The following SP100 variants were observed in gnomAD, a reference collection of about 807,000 sequenced individuals.
SP100 encodes the protein nuclear autoantigen Sp-100.
A neutral mutation model predicts 130.0 loss-of-function variants in SP100; 84 were observed. The observed-to-expected ratio is 0.65, with a 90% CI of 0.54 to 0.77. The LOEUF is 0.77. Among genes scored for constraint, SP100 ranks in the 30% least tolerant of loss-of-function variants. The pLI is 0.00. For missense variants in SP100, 978 were observed against 1,052.2 expected, an observed-to-expected ratio of 0.93 and a Z score of 0.97; for synonymous variants, 331 against 351.7, an observed-to-expected ratio of 0.94 and a Z score of 0.66.
At chr2:230,452,415 G>A (rs1018816015) in intron 8 of SP100, among the ~76,000 whole-genome samples, 1 of 152,092 alleles carries the variant, frequency 6.6e-6, no homozygotes, top group Non-Finnish European at 1.5e-5. Context: ...GACCTCAGGC[G>A]ATCCACCCAC....
intron 18 of SP100, among the ~76,000 whole-genome samples, chr2:230,497,762 C>A (rs1418052542): frequency 6.6e-6 from 1 of 152,168 alleles, no homozygotes; most frequent in East Asian, 1.9e-4. Context: ...AACCCTAAGG[C>A]TTTCTGGGAC....
chr2:230,511,091 A>C, intron 23 of SP100, 34 bp from the exon 24 acceptor site: 1 of 1,464,136 alleles, frequency 6.8e-7, no homozygotes, highest in Non-Finnish European at 9.6e-7. Context: ...AATCACACTC[A>C]ATATTGTACC....
intron 5 of SP100, among the ~76,000 whole-genome samples, chr2:230,448,110 G>A (rs1280935814): frequency 1.3e-5 from 2 of 152,150 alleles, no homozygotes; most frequent in Admixed American, 6.5e-5. Context: ...CTTATATCAC[G>A]GGAGAAACTT....
intron 2 of SP100, among the ~76,000 whole-genome samples, chr2:230,432,586 G>T (rs2063131938): frequency 6.6e-6 from 1 of 152,072 alleles, no homozygotes; most frequent in Non-Finnish European, 1.5e-5. Flanking sequence ...GGTTTGATTT[G>T]CTTTTCTCTA....
At chr2:230,501,673 G>A (rs1408335464) in intron 19 of SP100, among the ~76,000 whole-genome samples, 1 of 138,476 alleles carries the variant, frequency 7.2e-6, no homozygotes, top group Non-Finnish European at 1.6e-5. Flanking sequence ...TTTCTCCTGG[G>A]GCTTGCAGGA....
At chr2:230,473,019 AAACTT>A (rs2065353000) in intron 15 of SP100, 1 of 221,832 alleles carries the variant, frequency 4.5e-6, no homozygotes, top group Admixed American at 5.3e-5. Flanking sequence ...CAAGACCTTC[AAACTT>A]AACACCTCCA....
At chr2:230,422,224 G>GA (rs2062787249) in intron 2 of SP100, among the ~76,000 whole-genome samples, 1 of 152,140 alleles carries the variant, frequency 6.6e-6, no homozygotes, top group African/African-American at 2.4e-5. Flanking sequence ...TAATGAGGAT[G>GA]AAAATTTTTT....
rs371349702 is a variant in SP100, at chr2:230,515,475, G to A, written c.2094+4309G>A. Reference sequence around the variant, plus strand: ...TTTATGAAAAGAAGGCTGCAAAGCTGAAGGAAAAATACAAAAAGGATATTG... The same window carrying A: ...TTTATGAAAAGAAGGCTGCAAAGCTAAAGGAAAAATACAAAAAGGATATTG... On this transcript the variant is annotated intron_variant, in intron 24 of 28. Transcript: ENST00000340126. The A allele has an allele frequency of 8.1e-6, 13 of 1,613,518 alleles. No individual in the cohort carries two copies. The African/African-American group carries it at 1.6e-4, about 20-fold the overall frequency.
In SP100 at chr2:230,416,317, C is replaced by T; in HGVS notation, c.21C>T (p.Asp7=). The change falls in exon 1 of 29, where the codon GAC becomes GAT. Residue 7 remains aspartate (D), a synonymous_variant. Coordinates refer to ENST00000340126, the MANE Select transcript of SP100 (RefSeq NM_001080391.2). ...GGAAGATGGCAGGTGGGGGCGGCGA[C>T]CTGAGCACCAGGTGAGTCTTTATCT... MAGGGG[D]LSTRRLNECI... The T allele has an allele frequency of 2.5e-6, 4 of 1,613,608 alleles. No individual in the cohort carries two copies. Among genetic ancestry groups the T allele is most frequent in the African/African-American group, 1.3e-5 (1 of 75,008 alleles).
At chr2:230,497,544 G>GGGA (rs2066755247) in intron 18 of SP100, among the ~76,000 whole-genome samples, 2 of 19,274 alleles carry the variant, frequency 1.0e-4, no homozygotes, top group Non-Finnish European at 2.1e-4. Flanking sequence ...GAGGAGAGGA[G>GGGA]AGGAAAGGAA....
intron 2 of SP100, among the ~76,000 whole-genome samples, chr2:230,441,724 G>C (rs956788967): frequency 6.6e-6 from 1 of 152,170 alleles, no homozygotes; most frequent in African/African-American, 2.4e-5. Flanking sequence ...GAGACTGCCT[G>C]GTTGCATATG....
intron 17 of SP100, among the ~76,000 whole-genome samples, chr2:230,488,004 AG>A (rs888966577): frequency 3.2e-4 from 48 of 152,236 alleles, no homozygotes; most frequent in African/African-American, 9.6e-4. Context: ...GATGGTGTAA[AG>A]GAATGCTTGT....
intron 2 of SP100, among the ~76,000 whole-genome samples, chr2:230,424,954 T>C (rs906473580): frequency 6.6e-6 from 1 of 152,154 alleles, no homozygotes; most frequent in African/African-American, 2.4e-5. Context: ...CATGATATAA[T>C]TGCTTGAATT....
At chr2:230,491,732 C>T (rs1254120253) in intron 17 of SP100, among the ~76,000 whole-genome samples, 1 of 152,204 alleles carries the variant, frequency 6.6e-6, no homozygotes, top group Non-Finnish European at 1.5e-5. Flanking sequence ...CAGGCCCCTC[C>T]CCCAACACAC....
In SP100 at chr2:230,443,106, A is replaced by G. The variant is rs757690175; in HGVS notation, c.270+7A>G. ...CACAAATAAAATGTTTGAAGTAAGTAAAGTTTATTATGTCACAATCTGGTA... is the reference window on the plus strand; with the variant it reads ...CACAAATAAAATGTTTGAAGTAAGTGAAGTTTATTATGTCACAATCTGGTA... On this transcript the variant is annotated splice_region_variant and intron_variant, in intron 3 of 28. Transcript: ENST00000340126. 2.5e-6 allele frequency: 4 copies of G among 1,613,314 alleles called. No homozygotes were observed. The highest frequency in any genetic ancestry group is 1.1e-5 in the South Asian group (1 of 91,056).
intron 2 of SP100, among the ~76,000 whole-genome samples, chr2:230,431,244 T>G (rs2063090943): frequency 6.6e-6 from 1 of 152,188 alleles, no homozygotes; most frequent in Non-Finnish European, 1.5e-5. Flanking sequence ...CCCCTCTGAT[T>G]TCCTGTTTGT....
intron 18 of SP100, among the ~76,000 whole-genome samples, chr2:230,496,467 TAGG>T (rs2066672045): frequency 6.6e-6 from 1 of 152,104 alleles, no homozygotes; most frequent in Admixed American, 6.5e-5. Flanking sequence ...AATTTGGGTC[TAGG>T]AGGAGGAGGA....
chr2:230,462,967 G>A (rs2064743791), intron 10 of SP100, among the ~76,000 whole-genome samples: 1 of 152,118 alleles, frequency 6.6e-6, no homozygotes, highest in African/African-American at 2.4e-5. Flanking sequence ...CCAACTATCT[G>A]GTGTTGGCAA....
At chr2:230,491,445 G>C (rs934972216) in intron 17 of SP100, among the ~76,000 whole-genome samples, 2 of 152,360 alleles carry the variant, frequency 1.3e-5, no homozygotes. Context: ...CACTCTGGCT[G>C]TAGTAGGCCA....
Sources: gnomAD v4.1 joint callset for allele counts (sites outside exome capture counted in the v4.1 genomes callset) on GRCh38, gnomAD v4.1.1 for gene constraint, MANE v1.5 for transcripts, NCBI Gene and HGNC (gene_info 2026-07-23, HGNC 2026-07-21) for gene names.